Variants in CACNA2D3 observed in about 807,000 individuals in gnomAD.
The protein encoded by CACNA2D3 is calcium voltage-gated channel auxiliary subunit alpha2delta 3.
A neutral mutation model predicts 160.6 loss-of-function variants in CACNA2D3; 60 were observed. The ratio of observed to expected loss-of-function variants is 0.37; its 90% CI spans 0.30 to 0.46. The LOEUF is 0.46. CACNA2D3 is among the 20% of genes least tolerant of loss of function. CACNA2D3 has a pLI of 1.00. For missense variants in CACNA2D3, 1,205 were observed against 1,365.0 expected, an observed-to-expected ratio of 0.88 and a Z score of 1.85; for synonymous variants, 558 against 492.9, an observed-to-expected ratio of 1.13 and a Z score of -1.75.
At chr3:54,774,760 GA>G (rs1463098832) in intron 13 of CACNA2D3, among the ~76,000 whole-genome samples, 1 of 148,872 alleles carries the variant, frequency 6.7e-6, no homozygotes, top group African/African-American at 2.5e-5. Flanking sequence ...TTAGCCTCCT[GA>G]GTAGCTGGGA....
chr3:54,752,082 A>G (rs779991672), intron 11 of CACNA2D3, among the ~76,000 whole-genome samples: 5 of 152,202 alleles, frequency 3.3e-5, no homozygotes, highest in Non-Finnish European at 7.3e-5. Flanking sequence ...TCCTGGCCAC[A>G]GGCTGTGTCT....
At chr3:54,171,692 A>G (rs1700573897) in intron 2 of CACNA2D3, among the ~76,000 whole-genome samples, 1 of 152,102 alleles carries the variant, frequency 6.6e-6, no homozygotes, top group Non-Finnish European at 1.5e-5. Flanking sequence ...TTCAGTTTGG[A>G]ATGTTTTGCT....
intron 35 of CACNA2D3, among the ~76,000 whole-genome samples, chr3:55,072,642 G>A (rs1365599866): frequency 6.6e-6 from 1 of 152,208 alleles, no homozygotes; most frequent in African/African-American, 2.4e-5. Context: ...TAGCTAATCT[G>A]GTTCTGGAAG....
intron 27 of CACNA2D3, among the ~76,000 whole-genome samples, chr3:54,948,272 G>T (rs1259862420): frequency 6.6e-6 from 1 of 152,160 alleles, no homozygotes; most frequent in Non-Finnish European, 1.5e-5. Flanking sequence ...GTGACCTCTT[G>T]AGAGCCCATC....
intron 27 of CACNA2D3, among the ~76,000 whole-genome samples, chr3:54,942,041 G>A (rs191066216): frequency 1.8e-4 from 27 of 152,186 alleles, no homozygotes; most frequent in Admixed American, 1.8e-3. Context: ...TTTCTTTCTT[G>A]TAAAAATGCG....
chr3:54,749,648 G>A (rs1701821193), intron 11 of CACNA2D3, among the ~76,000 whole-genome samples: 1 of 152,086 alleles, frequency 6.6e-6, no homozygotes, highest in South Asian at 2.1e-4. Context: ...TTCTTCTGTG[G>A]TCAGTTGAAA....
intron 4 of CACNA2D3, among the ~76,000 whole-genome samples, chr3:54,489,360 C>T (rs922199597): frequency 2.0e-5 from 3 of 152,320 alleles, no homozygotes; most frequent in Non-Finnish European, 4.4e-5. Flanking sequence ...CCTCTGTCCT[C>T]TGCCTGTCAG....
chr3:54,671,199 T>C (rs1700153835), intron 11 of CACNA2D3, among the ~76,000 whole-genome samples: 1 of 151,462 alleles, frequency 6.6e-6, no homozygotes, highest in African/African-American at 2.4e-5. Context: ...CCTTTGTATC[T>C]AGTAGCTGGG....
At chr3:54,325,950 T>C (rs1161427238) in intron 3 of CACNA2D3, among the ~76,000 whole-genome samples, 1 of 152,196 alleles carries the variant, frequency 6.6e-6, no homozygotes, top group East Asian at 1.9e-4. Flanking sequence ...ATAAATACCT[T>C]TGCTTGTTGG....
intron 2 of CACNA2D3, among the ~76,000 whole-genome samples, chr3:54,165,258 AC>A (rs1700429434): frequency 1.3e-5 from 2 of 151,580 alleles, no homozygotes; most frequent in Non-Finnish European, 2.9e-5. Context: ...CATTGTTACA[AC>A]CCAAATGTCA....
chr3:54,628,266 G>T (rs1170812977), intron 10 of CACNA2D3, among the ~76,000 whole-genome samples: 1 of 152,176 alleles, frequency 6.6e-6, no homozygotes, highest in African/African-American at 2.4e-5. Flanking sequence ...GGCCAGCTCT[G>T]GCTGACACTG....
intron 4 of CACNA2D3, among the ~76,000 whole-genome samples, chr3:54,481,265 C>T (rs1336521675): frequency 2.0e-5 from 3 of 152,230 alleles, no homozygotes; most frequent in Non-Finnish European, 4.4e-5. Context: ...ATCAGCTTTC[C>T]TCAAACCTTC....
intron 3 of CACNA2D3, among the ~76,000 whole-genome samples, chr3:54,358,127 T>G (rs1241592203): frequency 6.6e-6 from 1 of 152,030 alleles, no homozygotes; most frequent in East Asian, 1.9e-4. Context: ...ATATGGGAAA[T>G]TGTGTGTGTG....
rs552508703 is a variant in CACNA2D3 at position 54,258,368 on chromosome 3, AC to A, written c.205-62070del. Among the ~76,000 whole-genome samples, 41 of 152,218 alleles carry A rather than the reference AC, an allele frequency of 2.7e-4. No individual in the cohort carries two copies. In the South Asian group the frequency reaches 7.9e-3, roughly 29 times the overall value. The stretch of plus-strand genomic sequence containing the variant: ...GTGACCCAAGTAAATGAGAGTCTGA[AC>A]CCCTGAAGCTTACCTTCTCATGAAA... On this transcript the variant is annotated intron_variant, in intron 2 of 37. Coordinates refer to ENST00000474759, the MANE Select transcript of CACNA2D3 (RefSeq NM_018398.3).
chr3:54,609,548 G>C (rs1458262069), intron 9 of CACNA2D3, among the ~76,000 whole-genome samples: 1 of 152,152 alleles, frequency 6.6e-6, no homozygotes, highest in Non-Finnish European at 1.5e-5. Flanking sequence ...TGGCAAAGCA[G>C]GTGTTTCTCA....
At chr3:54,202,144 T>A (rs993034931) in intron 2 of CACNA2D3, among the ~76,000 whole-genome samples, 1 of 152,234 alleles carries the variant, frequency 6.6e-6, no homozygotes, top group Non-Finnish European at 1.5e-5. Flanking sequence ...ACCCCTAGCC[T>A]GGGAATCCAC....
intron 31 of CACNA2D3, among the ~76,000 whole-genome samples, chr3:54,995,136 G>A (rs915189128): frequency 2.6e-5 from 4 of 152,042 alleles, no homozygotes; most frequent in African/African-American, 9.7e-5. Context: ...ACCATGCCCA[G>A]TTAATTTCTG....
At chr3:54,647,125 A>C (rs1293933454) in intron 11 of CACNA2D3, among the ~76,000 whole-genome samples, 1 of 152,208 alleles carries the variant, frequency 6.6e-6, no homozygotes, top group East Asian at 1.9e-4. Flanking sequence ...TGCAGATGAA[A>C]ACACAGCCCA....
chr3:54,259,082 T>A (rs1027771921), intron 2 of CACNA2D3, among the ~76,000 whole-genome samples: 2 of 152,228 alleles, frequency 1.3e-5, no homozygotes, highest in Non-Finnish European at 2.9e-5. Flanking sequence ...AGCCACAATG[T>A]GGGCAGGGGC....
Sources: gnomAD v4.1 joint callset for allele counts (sites outside exome capture counted in the v4.1 genomes callset) on GRCh38, gnomAD v4.1.1 for gene constraint, MANE v1.5 for transcripts, NCBI Gene and HGNC (gene_info 2026-07-23, HGNC 2026-07-21) for gene names.